Variants in CAB39L observed in about 807,000 individuals in gnomAD.
CAB39L encodes the protein calcium binding protein 39 like, also known as calcium-binding protein 39-like.
CAB39L carries 23 observed loss-of-function variants against 39.1 expected under a neutral mutation model. That is an observed-to-expected ratio of 0.59 (90% CI 0.42 to 0.83). The LOEUF (loss-of-function observed/expected upper bound fraction) is 0.83. Among genes scored for constraint, CAB39L ranks in the 40% least tolerant of loss-of-function variants. CAB39L has a pLI of 0.00. For missense variants in CAB39L, 366 were observed against 391.9 expected (o/e 0.93, Z 0.56); for synonymous variants, 126 against 137.2 (o/e 0.92, Z 0.57).
chr13:49,418,798 TG>T (rs1392694425), intron 3 of CAB39L, among the ~76,000 whole-genome samples: 3 of 152,052 alleles, frequency 2.0e-5, no homozygotes, highest in African/African-American at 7.2e-5. Context: ...TGACCTCAAG[TG>T]ATCTACTCAC....
intron 3 of CAB39L, among the ~76,000 whole-genome samples, chr13:49,429,397 A>G (rs1183875724): frequency 6.6e-6 from 1 of 152,202 alleles, no homozygotes; most frequent in Admixed American, 6.5e-5. Context: ...CCAGCAAAAA[A>G]TTATCATTTT....
intron 6 of CAB39L, among the ~76,000 whole-genome samples, chr13:49,353,546 T>G (rs542561486): frequency 1.8e-4 from 27 of 152,042 alleles, no homozygotes; most frequent in Admixed American, 1.2e-3. Context: ...CCTTCTTACA[T>G]TCCCACAACT....
chr13:49,423,925 T>A (rs900088954), intron 3 of CAB39L, among the ~76,000 whole-genome samples: 2 of 152,202 alleles, frequency 1.3e-5, no homozygotes, highest in Admixed American at 6.5e-5. Flanking sequence ...ATAACTTCAA[T>A]GGCATTCTTA....
At chr13:49,329,576 T>A (rs868506930) in intron 10 of CAB39L, among the ~76,000 whole-genome samples, 6,082 of 107,038 alleles carry the variant, frequency 0.057, 710 homozygotes, top group African/African-American at 0.1. Flanking sequence ...TATATATATA[T>A]ATATATATAT....
In CAB39L at chr13:49,346,120, T is replaced by TC. The variant is rs1555254625; in HGVS notation, c.565-1883_565-1882insG. Among the ~76,000 whole-genome samples, 63 of 88,468 alleles carry TC rather than the reference T, an allele frequency of 7.1e-4. 7 individuals are homozygous for TC. Among genetic ancestry groups the TC allele is most frequent in the East Asian group, 1.4e-3 (5 of 3,580 alleles). The allele number at this position is 88,468 out of a possible 152,430, so 58.0% of individuals were successfully genotyped here. A position where few individuals can be genotyped will look rare whatever the true frequency, so the allele number is the denominator to read the frequency against. On this transcript the variant is annotated intron_variant, in intron 7 of 10. Coordinates refer to ENST00000409308, the MANE Select transcript of CAB39L (RefSeq NM_001079670.3). ...TGCTAGATATATATATATATATATATATATCATGGATACAGCCAATAAACA... is the reference window on the plus strand; with the variant it reads ...TGCTAGATATATATATATATATATATCATATCATGGATACAGCCAATAAACA...
At chr13:49,425,201 G>A (rs1016200323) in intron 3 of CAB39L, among the ~76,000 whole-genome samples, 2 of 147,238 alleles carry the variant, frequency 1.4e-5, no homozygotes, top group African/African-American at 5.4e-5. Flanking sequence ...TAACTAAACA[G>A]GAGAACATTT....
intron 3 of CAB39L, among the ~76,000 whole-genome samples, chr13:49,427,286 T>C (rs748473074): frequency 4.6e-5 from 7 of 152,058 alleles, no homozygotes; most frequent in Non-Finnish European, 1.0e-4. Context: ...AAAACATGAG[T>C]CTACAGTTTC....
chr13:49,426,433 A>AT (rs879663024), intron 3 of CAB39L, among the ~76,000 whole-genome samples: 3,370 of 148,860 alleles, frequency 0.023, 103 homozygotes, highest in African/African-American at 0.072. Context: ...TCTTTAAAAT[A>AT]TTTTTTTTTT....
intron 3 of CAB39L, among the ~76,000 whole-genome samples, chr13:49,430,649 G>T (rs1957307162): frequency 6.6e-6 from 1 of 152,136 alleles, no homozygotes; most frequent in Non-Finnish European, 1.5e-5. Flanking sequence ...GGAAGTTAAT[G>T]ATTTTAGTTA....
intron 6 of CAB39L, among the ~76,000 whole-genome samples, chr13:49,352,635 A>G (rs1030394666): frequency 2.0e-5 from 3 of 152,186 alleles, no homozygotes; most frequent in South Asian, 2.1e-4. Context: ...TACAAAAACT[A>G]AAAAAATTAG....
intron 3 of CAB39L, among the ~76,000 whole-genome samples, chr13:49,411,040 A>G (rs1956978326): frequency 6.6e-6 from 1 of 152,172 alleles, no homozygotes; most frequent in South Asian, 2.1e-4. Flanking sequence ...CATTCTAAAC[A>G]TGTCTTTTTA....
chr13:49,429,843 T>C lies in CAB39L; in HGVS notation c.-32+3475A>G, dbSNP rs74074082. Among the ~76,000 whole-genome samples the C allele has an allele frequency of 7.4e-3, 1,120 of 152,344 alleles. 12 individuals are homozygous for C. The highest frequency in any genetic ancestry group is 0.025 in the African/African-American group (1,047 of 41,590). On this transcript the variant is annotated intron_variant, in intron 3 of 10. Transcript: ENST00000409308. ...TTTCACTTTGTTCTTATGAGAACTA[T>C]AAATTCATATCTGTATTTCATTTAC...
intron 1 of CAB39L, among the ~76,000 whole-genome samples, chr13:49,436,955 G>A (rs1203561700): frequency 6.7e-6 from 1 of 150,346 alleles, no homozygotes; most frequent in Non-Finnish European, 1.5e-5. Flanking sequence ...ATTTTTTGTA[G>A]AGACTAGGTC....
At chr13:49,412,101 G>C (rs1417546222) in intron 3 of CAB39L, among the ~76,000 whole-genome samples, 1 of 152,026 alleles carries the variant, frequency 6.6e-6, no homozygotes, top group Non-Finnish European at 1.5e-5. Context: ...AGTTGATAGG[G>C]GTTCAGCACA....
At chr13:49,426,962 T>C (rs1235676144) in intron 3 of CAB39L, among the ~76,000 whole-genome samples, 1 of 152,206 alleles carries the variant, frequency 6.6e-6, no homozygotes, top group East Asian at 1.9e-4. Context: ...TAATTTAGCA[T>C]CATTTACTGT....
chr13:49,371,189 C>CT (rs386379129), intron 5 of CAB39L, among the ~76,000 whole-genome samples: 5,426 of 102,126 alleles, frequency 0.053, 324 homozygotes, highest in African/African-American at 0.17. Context: ...CTTTTTCTTT[C>CT]TTTTTTTTTT....
At chr13:49,337,327 T>C (rs1954876424) in intron 9 of CAB39L, among the ~76,000 whole-genome samples, 1 of 152,114 alleles carries the variant, frequency 6.6e-6, no homozygotes, top group Non-Finnish European at 1.5e-5. Flanking sequence ...ATCATATGAG[T>C]TGCTGCACTA....
chr13:49,332,761 CTCTA>C (rs1314751110), intron 9 of CAB39L, among the ~76,000 whole-genome samples: 1 of 151,834 alleles, frequency 6.6e-6, no homozygotes, highest in Non-Finnish European at 1.5e-5. Context: ...TGTATTGTTG[CTCTA>C]TCTTAGAAAC....
At chr13:49,317,878 G>A (rs1248124698) in intron 10 of CAB39L, among the ~76,000 whole-genome samples, 1 of 152,036 alleles carries the variant, frequency 6.6e-6, no homozygotes, top group African/African-American at 2.4e-5. Flanking sequence ...TCAGTGTCTT[G>A]TATCCAGGAT....
Sources: allele counts gnomAD v4.1 joint callset (sites outside exome capture counted in the v4.1 genomes callset), GRCh38; gene constraint gnomAD v4.1.1; transcripts MANE v1.5; gene names NCBI Gene and HGNC (gene_info 2026-07-23, HGNC 2026-07-21).